The following PCDH11Y variants were observed in gnomAD, a reference collection of about 807,000 sequenced individuals.
PCDH11Y encodes the protein protocadherin 11 Y-linked.
For synonymous variants in PCDH11Y, 9 were observed against 83.6 expected, an observed-to-expected ratio of 0.11 and a Z score of 4.87; for missense variants, 12 against 224.8, an observed-to-expected ratio of 0.05 and a Z score of 6.05.
chrY:5,316,102 A>ATG (rs2053106826), intron 2 of PCDH11Y, among the ~76,000 whole-genome samples: 1 of 33,559 alleles, frequency 3.0e-5, no homozygotes, highest in South Asian at 6.9e-4. Context: ...TCCTGAGAAC[A>ATG]TGTGCCCAAG....
intron 2 of PCDH11Y, among the ~76,000 whole-genome samples, chrY:5,401,460 T>A: frequency 6.1e-5 from 2 of 32,911 alleles, no homozygotes; most frequent in African/African-American, 1.2e-4. Context: ...ACTTTAAGTT[T>A]CAGGATACAT....
chrY:5,576,256 T>A, intron 3 of PCDH11Y, among the ~76,000 whole-genome samples: 1 of 30,736 alleles, frequency 3.3e-5, no homozygotes, highest in Non-Finnish European at 7.9e-5. Context: ...CCATAATTCA[T>A]ATTTCTTGAG....
Position 5,535,746 on chromosome Y carries a change from T to C in PCDH11Y, c.3328+34491T>C, listed in dbSNP as rs1602939628. Among the ~76,000 whole-genome samples the C allele has an allele frequency of 4.2e-4, 14 of 33,060 alleles. No homozygotes were observed. The East Asian group carries it at 0.011, about 27-fold the overall frequency. The allele number at this position is 33,060 out of a possible 37,273, so 88.7% of individuals were successfully genotyped here. A position where few individuals can be genotyped will look rare whatever the true frequency, so the allele number is the denominator to read the frequency against. On this transcript the variant is annotated intron_variant, in intron 3 of 4. Transcript: ENST00000400457. ...TGACTTATTTTCCTCTGGGTAGATA[T>C]TCGGTAGTGGGATTGCTGGATCAAG...
intron 2 of PCDH11Y, among the ~76,000 whole-genome samples, chrY:5,272,881 A>C (rs2124659766): frequency 3.1e-5 from 1 of 32,190 alleles, no homozygotes; most frequent in East Asian, 7.9e-4. Flanking sequence ...GGTTATGTTC[A>C]AAGTGTCCCT....
intron 2 of PCDH11Y, among the ~76,000 whole-genome samples, chrY:5,219,244 T>C: frequency 9.0e-5 from 3 of 33,242 alleles, no homozygotes; most frequent in African/African-American, 3.5e-4. Context: ...GTGGGATGGC[T>C]GAATCACATT....
chrY:5,037,852 T>G (rs2124622513), intron 3 of PCDH11Y, among the ~76,000 whole-genome samples: 1 of 32,884 alleles, frequency 3.0e-5, no homozygotes, highest in East Asian at 8.1e-4. Flanking sequence ...TAGGGAACAT[T>G]GAAGGATTCT....
chrY:5,697,523 T>A, intron 4 of PCDH11Y, among the ~76,000 whole-genome samples: 1 of 32,760 alleles, frequency 3.1e-5, no homozygotes. Flanking sequence ...CTGGGTGCTC[T>A]TGGATAACTA....
chrY:5,683,082 A>C (rs2053560130), intron 4 of PCDH11Y, among the ~76,000 whole-genome samples: 71 of 33,300 alleles, frequency 2.1e-3, no homozygotes, highest in Admixed American at 3.8e-3. Context: ...ATAATGATGA[A>C]AACGAGGAAA....
At chrY:5,467,209 A>G (rs2053309181) in intron 2 of PCDH11Y, among the ~76,000 whole-genome samples, 1 of 31,254 alleles carries the variant, frequency 3.2e-5, no homozygotes, top group Admixed American at 3.0e-4. Context: ...CAAATATCAT[A>G]GGAGCTATTA....
intron 4 of PCDH11Y, among the ~76,000 whole-genome samples, chrY:5,597,483 T>A: frequency 3.6e-5 from 1 of 27,540 alleles, no homozygotes; most frequent in Admixed American, 3.6e-4. Flanking sequence ...TCAAAGGGGT[T>A]GTACTAATTT....
chrY:5,154,626 GGTGT>G lies in PCDH11Y; in HGVS notation c.3129+53940_3129+53943del. Among the ~76,000 whole-genome samples the G allele has an allele frequency of 4.2e-3, 118 of 27,824 alleles. No individual in the cohort carries two copies. In the East Asian group the frequency reaches 0.1, roughly 25 times the overall value. 74.6% of individuals were successfully genotyped at this position (27,824 alleles called of 37,273 possible). A position where few individuals can be genotyped will look rare whatever the true frequency, so the allele number is the denominator to read the frequency against. On this transcript the variant is annotated intron_variant, in intron 2 of 4. Transcript: ENST00000400457. Reference sequence around the variant, plus strand: ...CTTTTCTTTTTCAATAAGCTTTAGTGGTGTGTGTGTGTGTGTGTGTGTGTTGTGT... The same window carrying G: ...CTTTTCTTTTTCAATAAGCTTTAGTGGTGTGTGTGTGTGTGTGTGTTGTGT...
At chrY:5,429,170 G>A (rs2124680338) in intron 2 of PCDH11Y, among the ~76,000 whole-genome samples, 1 of 33,329 alleles carries the variant, frequency 3.0e-5, no homozygotes, top group Admixed American at 2.8e-4. Flanking sequence ...TCAAGTTCTA[G>A]CATGAATTTT....
chrY:5,385,239 C>T (rs2124675022), intron 2 of PCDH11Y, among the ~76,000 whole-genome samples: 1 of 24,851 alleles, frequency 4.0e-5, no homozygotes, highest in Non-Finnish European at 9.0e-5. Flanking sequence ...TTTTTGTGCA[C>T]GAATCTCCCA....
intron 2 of PCDH11Y, among the ~76,000 whole-genome samples, chrY:5,237,368 GTA>G (rs2124654563): frequency 3.0e-5 from 1 of 33,174 alleles, no homozygotes; most frequent in East Asian, 8.0e-4. Context: ...AAATTTTTTA[GTA>G]TAAACATAAA....
intron 1 of PCDH11Y, among the ~76,000 whole-genome samples, chrY:5,062,110 A>G: frequency 3.1e-5 from 1 of 32,268 alleles, no homozygotes; most frequent in Non-Finnish European, 7.6e-5. Context: ...TTGTGAAGAC[A>G]AAGAGCAAGC....
chrY:5,194,977 C>G, intron 2 of PCDH11Y, among the ~76,000 whole-genome samples: 3 of 32,963 alleles, frequency 9.1e-5, no homozygotes, highest in Non-Finnish European at 2.2e-4. Context: ...GAAAAGTTCT[C>G]CAAGTCCCCT....
At chrY:5,383,911 C>G in intron 2 of PCDH11Y, among the ~76,000 whole-genome samples, 1 of 33,160 alleles carries the variant, frequency 3.0e-5, no homozygotes, top group South Asian at 6.6e-4. Context: ...GCCACTGGGC[C>G]CAGCCTAGAA....
chrY:5,441,332 T>TA (rs2053282023), intron 2 of PCDH11Y, among the ~76,000 whole-genome samples: 1 of 33,040 alleles, frequency 3.0e-5, no homozygotes, highest in East Asian at 7.9e-4. Context: ...ACAACTGTAA[T>TA]AAAAAACCTT....
chrY:5,142,980 G>A, intron 2 of PCDH11Y, among the ~76,000 whole-genome samples: 1 of 32,987 alleles, frequency 3.0e-5, no homozygotes, highest in African/African-American at 1.2e-4. Flanking sequence ...AATGCATCAG[G>A]CTGATTTGAA....
Sources: allele counts gnomAD v4.1 joint callset (sites outside exome capture counted in the v4.1 genomes callset), GRCh38; gene constraint gnomAD v4.1.1; transcripts MANE v1.5; gene names NCBI Gene and HGNC (gene_info 2026-07-23, HGNC 2026-07-21).